NEGR1: variants seen among roughly 807,000 people sequenced by gnomAD.
NEGR1 encodes IgLON family member 4.
Under a neutral mutation model 40.9 loss-of-function variants are expected in NEGR1, and 10 were observed. The observed-to-expected ratio is 0.24, with a 90% CI of 0.15 to 0.42. The LOEUF (loss-of-function observed/expected upper bound fraction) is 0.42, where lower values mean the gene tolerates loss of function less well. NEGR1 is among the 10% of genes least tolerant of loss of function. NEGR1 has a pLI of 1.00. For missense variants in NEGR1, 352 were observed against 438.9 expected, an observed-to-expected ratio of 0.80 and a Z score of 1.77; for synonymous variants, 185 against 166.8, an observed-to-expected ratio of 1.11 and a Z score of -0.84.
chr1:71,920,770 C>A (rs113145634), intron 2 of NEGR1, among the ~76,000 whole-genome samples: 1 of 152,150 alleles, frequency 6.6e-6, no homozygotes, highest in Non-Finnish European at 1.5e-5. Context: ...TTTCTCCACC[C>A]GGCACAGGTG....
At chr1:71,810,915 T>C (rs1196993807) in intron 2 of NEGR1, among the ~76,000 whole-genome samples, 1 of 152,210 alleles carries the variant, frequency 6.6e-6, no homozygotes, top group Non-Finnish European at 1.5e-5. Context: ...TTCAAGCATT[T>C]CTTTATAGCA....
chr1:71,862,882 T>C (rs1659992893), intron 2 of NEGR1, among the ~76,000 whole-genome samples: 1 of 152,034 alleles, frequency 6.6e-6, no homozygotes, highest in Non-Finnish European at 1.5e-5. Flanking sequence ...AAAATGCATA[T>C]CAAAACCACA....
At chr1:71,924,844 T>A (rs1183800725) in intron 2 of NEGR1, among the ~76,000 whole-genome samples, 2 of 152,088 alleles carry the variant, frequency 1.3e-5, no homozygotes, top group African/African-American at 4.8e-5. Flanking sequence ...GGTTTTGGCC[T>A]CAAATAAAAA....
intron 1 of NEGR1, among the ~76,000 whole-genome samples, chr1:72,060,650 T>A (rs557315654): frequency 2.0e-5 from 3 of 151,800 alleles, no homozygotes; most frequent in African/African-American, 7.2e-5. Flanking sequence ...AAATTGGGGA[T>A]GAATAAAATT....
At chr1:71,666,404 T>C (rs1362948271) in intron 4 of NEGR1, among the ~76,000 whole-genome samples, 1 of 152,084 alleles carries the variant, frequency 6.6e-6, no homozygotes, top group African/African-American at 2.4e-5. Context: ...GGAAATAGAA[T>C]AGTAAATTGT....
chr1:72,030,345 T>G (rs1360963323), intron 1 of NEGR1, among the ~76,000 whole-genome samples: 1 of 152,070 alleles, frequency 6.6e-6, no homozygotes, highest in Non-Finnish European at 1.5e-5. Flanking sequence ...TAGCTGGGAT[T>G]ACAGGTGCCC....
intron 6 of NEGR1, among the ~76,000 whole-genome samples, chr1:71,508,958 AAT>A (rs1262229443): frequency 6.6e-6 from 1 of 152,174 alleles, no homozygotes; most frequent in Non-Finnish European, 1.5e-5. Flanking sequence ...TTCTTAAACT[AAT>A]TAAGAACTCA....
At chr1:71,947,765 G>T (rs1390778825) in intron 1 of NEGR1, among the ~76,000 whole-genome samples, 1 of 140,728 alleles carries the variant, frequency 7.1e-6, no homozygotes, top group Admixed American at 7.5e-5. Flanking sequence ...TCTCCAGCAG[G>T]TTGGTCACTT....
rs1015806425 is a variant in NEGR1, at chr1:72,087,412, C to G, written c.177-152101G>C. On this transcript the variant is annotated intron_variant, in intron 1 of 6. Transcript: ENST00000357731. Reference sequence around the variant, plus strand: ...CGCCACTGCACTCCAGCTTGGGCGACAGAGTGAGATGCTGTCTCAAAAAAA... The same window carrying G: ...CGCCACTGCACTCCAGCTTGGGCGAGAGAGTGAGATGCTGTCTCAAAAAAA... Among the ~76,000 whole-genome samples, 3 of 151,052 alleles carry G rather than the reference C, an allele frequency of 2.0e-5. No homozygotes were observed. In the South Asian group the frequency reaches 6.2e-4, roughly 31 times the overall value.
intron 6 of NEGR1, among the ~76,000 whole-genome samples, chr1:71,498,283 T>C (rs1440365468): frequency 1.3e-5 from 2 of 151,854 alleles, no homozygotes; most frequent in Non-Finnish European, 2.9e-5. Context: ...TCTGGTGTAG[T>C]AAGGATTCTG....
At chr1:72,200,220 T>C (rs904651282) in intron 1 of NEGR1, among the ~76,000 whole-genome samples, 11 of 152,110 alleles carry the variant, frequency 7.2e-5, no homozygotes, top group South Asian at 4.1e-4. Context: ...ACATGCACTA[T>C]GTGCATCACA....
intron 1 of NEGR1, among the ~76,000 whole-genome samples, chr1:72,191,008 A>C (rs1329469136): frequency 6.6e-6 from 1 of 151,538 alleles, no homozygotes; most frequent in Non-Finnish European, 1.5e-5. Context: ...ATGTGTAAAC[A>C]GTGGCTTAAT....
chr1:71,888,567 C>T (rs1414569275), intron 2 of NEGR1, among the ~76,000 whole-genome samples: 1 of 149,772 alleles, frequency 6.7e-6, no homozygotes, highest in Non-Finnish European at 1.5e-5. Context: ...GAGGGTCCTA[C>T]GCCCACGGAA....
intron 1 of NEGR1, among the ~76,000 whole-genome samples, chr1:72,106,166 C>G (rs141294764): frequency 1.5e-4 from 23 of 152,142 alleles, no homozygotes; most frequent in African/African-American, 4.8e-4. Context: ...AATAGTAACA[C>G]TAACACAGAG....
intron 3 of NEGR1, among the ~76,000 whole-genome samples, chr1:71,767,285 G>A (rs1296823611): frequency 2.0e-5 from 3 of 152,146 alleles, no homozygotes; most frequent in African/African-American, 7.2e-5. Context: ...ATGAAATCCA[G>A]GCTGATGGGG....
At chr1:71,431,583 C>CATTCATTT (rs1646470034) in intron 6 of NEGR1, among the ~76,000 whole-genome samples, 2 of 152,038 alleles carry the variant, frequency 1.3e-5, no homozygotes, top group East Asian at 3.9e-4. Flanking sequence ...TTCATTCATT[C>CATTCATTT]ATTCATTCAA....
intron 1 of NEGR1, among the ~76,000 whole-genome samples, chr1:72,227,193 A>AT (rs1654219813): frequency 6.6e-6 from 1 of 152,066 alleles, no homozygotes; most frequent in Admixed American, 6.6e-5. Context: ...AATGGTAATG[A>AT]TAAAAATCTA....
intron 1 of NEGR1, among the ~76,000 whole-genome samples, chr1:72,161,912 TAAC>T (rs1651579000): frequency 6.6e-6 from 1 of 151,694 alleles, no homozygotes. Flanking sequence ...GCTGATCTCT[TAAC>T]AACTGACCTC....
intron 6 of NEGR1, 114 bp downstream of exon 6, chr1:71,592,703 G>A (rs914786913): frequency 2.7e-6 from 2 of 747,286 alleles, no homozygotes; most frequent in Non-Finnish European, 4.4e-6. Flanking sequence ...TAAGGAATGT[G>A]TCACATCAGG....
Sources: allele counts gnomAD v4.1 joint callset (sites outside exome capture counted in the v4.1 genomes callset), GRCh38; gene constraint gnomAD v4.1.1; transcripts MANE v1.5; gene names NCBI Gene and HGNC (gene_info 2026-07-23, HGNC 2026-07-21).